The following PTPRO variants were observed in gnomAD, a reference collection of about 807,000 sequenced individuals.
PTPRO encodes the protein receptor-type tyrosine-protein phosphatase O.
Under a neutral mutation model 145.2 loss-of-function variants are expected in PTPRO, and 62 were observed. That is an observed-to-expected ratio of 0.43 (90% CI 0.35 to 0.53). The LOEUF is 0.53. Ranked by LOEUF, PTPRO falls within the 20% of genes least tolerant of loss-of-function variation. PTPRO has a pLI of 0.01. For synonymous variants in PTPRO, 565 were observed against 514.7 expected, an observed-to-expected ratio of 1.10 and a Z score of -1.32; for missense variants, 1,345 against 1,482.7, an observed-to-expected ratio of 0.91 and a Z score of 1.53.
At position 15,546,448 on chromosome 12, in the gene PTPRO, T is replaced by C. The variant is rs950611533; in HGVS notation, c.2165-121T>C. On this transcript the variant is annotated intron_variant, in intron 12 of 26. Transcript: ENST00000281171. ...GACATATTTCAAAGGCAATATAAAG[T>C]CTTTATGGTGCTCTTACCTACCTAT... is the stretch of plus-strand genomic sequence containing the variant. 3.3e-6 allele frequency: 5 copies of C among 1,514,454 alleles called. No individual in the cohort carries two copies. The Admixed American group carries it at 1.1e-4, about 32-fold the overall frequency. 93.8% of individuals were successfully genotyped at this position (1,514,454 alleles called of 1,614,324 possible). A position where few individuals can be genotyped will look rare whatever the true frequency, so the allele number is the denominator to read the frequency against.
chr12:15,557,238 G>A (rs181864335), intron 15 of PTPRO, among the ~76,000 whole-genome samples: 5 of 151,982 alleles, frequency 3.3e-5, no homozygotes, highest in South Asian at 2.1e-4. Flanking sequence ...ACAGGGTTTC[G>A]CCATGTTGGC....
intron 12 of PTPRO, 59 bp from the exon 13 acceptor site, chr12:15,546,510 A>T (rs1179690460): frequency 6.5e-7 from 1 of 1,546,410 alleles, no homozygotes; most frequent in African/African-American, 1.4e-5. Flanking sequence ...CTTATTAGTG[A>T]AAGAAGAAAG....
chr12:15,531,589 T>C (rs1942964173), intron 12 of PTPRO, among the ~76,000 whole-genome samples: 2 of 152,146 alleles, frequency 1.3e-5, no homozygotes, highest in African/African-American at 4.8e-5. Context: ...TACATTTAGT[T>C]TCTGATACTT....
At chr12:15,475,480 T>A (rs1187799747) in intron 1 of PTPRO, among the ~76,000 whole-genome samples, 1 of 152,222 alleles carries the variant, frequency 6.6e-6, no homozygotes, top group South Asian at 2.1e-4. Context: ...AAGCACAATA[T>A]GTATATGATT....
intron 7 of PTPRO, among the ~76,000 whole-genome samples, chr12:15,509,422 T>A (rs1417871775): frequency 5.4e-5 from 8 of 147,268 alleles, no homozygotes; most frequent in Non-Finnish European, 9.0e-5. Context: ...GTAGGCTGGG[T>A]GTGGGGGCTC....
chr12:15,347,295 A>G (rs575224564), intron 1 of PTPRO, among the ~76,000 whole-genome samples: 2 of 152,306 alleles, frequency 1.3e-5, no homozygotes, highest in African/African-American at 4.8e-5. Context: ...AGTGTAGTTG[A>G]TTCTTTTCCT....
intron 23 of PTPRO, among the ~76,000 whole-genome samples, chr12:15,584,713 T>G (rs1017788795): frequency 2.6e-5 from 4 of 152,200 alleles, no homozygotes; most frequent in African/African-American, 9.7e-5. Flanking sequence ...CATTGTGCTA[T>G]GCTAATTAAT....
At chr12:15,435,783 C>A (rs1940579242) in intron 1 of PTPRO, among the ~76,000 whole-genome samples, 1 of 152,188 alleles carries the variant, frequency 6.6e-6, no homozygotes, top group Admixed American at 6.5e-5. Flanking sequence ...TAGCAGAACA[C>A]TTATTTCCCC....
chr12:15,553,647 G>A (rs1273815062), intron 15 of PTPRO, among the ~76,000 whole-genome samples: 1 of 152,048 alleles, frequency 6.6e-6, no homozygotes, highest in African/African-American at 2.4e-5. Flanking sequence ...TCAGTAAAAT[G>A]AGCAGGCATT....
At chr12:15,427,186 G>A (rs1025825566) in intron 1 of PTPRO, among the ~76,000 whole-genome samples, 13 of 151,868 alleles carry the variant, frequency 8.6e-5, no homozygotes, top group Admixed American at 8.5e-4. Context: ...TTTATTCCCT[G>A]TTCTTTCTAT....
chr12:15,594,977 G>A lies in PTPRO; in HGVS notation c.3587G>A (p.Trp1196Ter). 1 of 1,613,864 alleles carries A rather than the reference G, an allele frequency of 6.2e-7. No homozygotes were observed. Residue 1196 changes from tryptophan to a stop codon, truncating the protein, a stop_gained, in exon 26 of 27, where the codon TGG becomes TAG. Transcript: ENST00000281171. LOFTEE classifies it high-confidence loss of function. Reference protein sequence around the residue: ...IFIHQCVQLMWMKKKQQFCIS... With the variant: ...IFIHQCVQLM ...ATCCATCAGTGTGTGCAACTGATGT[G>A]GATGAAGAAGAAGCAGCAGTTCTGC...
chr12:15,517,564 C>G (rs1306916952), intron 9 of PTPRO, among the ~76,000 whole-genome samples: 1 of 152,190 alleles, frequency 6.6e-6, no homozygotes, highest in East Asian at 1.9e-4. Flanking sequence ...AGGCAAGTCC[C>G]TTCTGCCTAT....
chr12:15,377,048 A>G (rs1938710127), intron 1 of PTPRO, among the ~76,000 whole-genome samples: 1 of 152,190 alleles, frequency 6.6e-6, no homozygotes, highest in African/African-American at 2.4e-5. Context: ...TATGAAAATA[A>G]TAATACAAAG....
chr12:15,511,754 C>T (rs540813576), intron 7 of PTPRO, among the ~76,000 whole-genome samples: 1 of 152,094 alleles, frequency 6.6e-6, no homozygotes, highest in Non-Finnish European at 1.5e-5. Flanking sequence ...TTAGTTGAGA[C>T]GGGGTTTCAC....
At chr12:15,385,831 AAAG>A (rs1323938259) in intron 1 of PTPRO, among the ~76,000 whole-genome samples, 13 of 150,604 alleles carry the variant, frequency 8.6e-5, no homozygotes, top group South Asian at 8.3e-4. Context: ...AAAAAAAAAA[AAAG>A]AAGAAGAAGA....
At chr12:15,445,219 TTTG>T (rs1218208321) in intron 1 of PTPRO, among the ~76,000 whole-genome samples, 2 of 152,124 alleles carry the variant, frequency 1.3e-5, no homozygotes, top group Non-Finnish European at 2.9e-5. Context: ...TTTTTTTTCC[TTTG>T]TTGTTTATGT....
chr12:15,551,719 T>G, intron 15 of PTPRO, 48 bp downstream of exon 15: 3 of 1,586,984 alleles, frequency 1.9e-6, no homozygotes, highest in South Asian at 1.1e-5. Flanking sequence ...TAAAATATCT[T>G]TATCTGCCAT....
At chr12:15,454,839 C>A (rs1211838648) in intron 1 of PTPRO, among the ~76,000 whole-genome samples, 1 of 152,194 alleles carries the variant, frequency 6.6e-6, no homozygotes, top group Non-Finnish European at 1.5e-5. Flanking sequence ...AAGAGACTCT[C>A]ATTTTCCCAT....
chr12:15,325,005 T>C (rs1335951024), intron 1 of PTPRO, among the ~76,000 whole-genome samples: 1 of 152,080 alleles, frequency 6.6e-6, no homozygotes, highest in African/African-American at 2.4e-5. Flanking sequence ...TGAGAAAAAA[T>C]TCATTATTAA....
Sources: allele counts gnomAD v4.1 joint callset (sites outside exome capture counted in the v4.1 genomes callset), GRCh38; gene constraint gnomAD v4.1.1; transcripts MANE v1.5; gene names NCBI Gene and HGNC (gene_info 2026-07-23, HGNC 2026-07-21).